Variants in FCHO2 observed in about 807,000 individuals in gnomAD.
FCHO2 encodes F-BAR domain only protein 2.
A neutral mutation model predicts 114.1 loss-of-function variants in FCHO2; 43 were observed. The observed-to-expected ratio is 0.38, with a 90% confidence interval of 0.30 to 0.49. The LOEUF (loss-of-function observed/expected upper bound fraction) is 0.49. Among genes scored for constraint, FCHO2 ranks in the 20% least tolerant of loss-of-function variants. The pLI, the probability that FCHO2 is intolerant of heterozygous loss-of-function variation, is 0.97. For missense variants in FCHO2, 807 were observed against 950.4 expected, an observed-to-expected ratio of 0.85 and a Z score of 1.98; for synonymous variants, 293 against 315.2, an observed-to-expected ratio of 0.93 and a Z score of 0.75.
intron 9 of FCHO2, among the ~76,000 whole-genome samples, chr5:73,036,767 T>C (rs936071797): frequency 6.6e-6 from 1 of 152,216 alleles, no homozygotes; most frequent in African/African-American, 2.4e-5. Flanking sequence ...CAAACATGAT[T>C]TGACCTTTAT....
intron 2 of FCHO2, among the ~76,000 whole-genome samples, chr5:72,970,792 T>A (rs906560168): frequency 1.3e-4 from 20 of 152,298 alleles, no homozygotes; most frequent in Admixed American, 3.9e-4. Context: ...GCTGGTGCGC[T>A]GCACCCACTA....
chr5:73,020,129 A>G (rs1266995004), intron 8 of FCHO2, among the ~76,000 whole-genome samples: 1 of 152,240 alleles, frequency 6.6e-6, no homozygotes, highest in Non-Finnish European at 1.5e-5. Flanking sequence ...AAAAACTGCC[A>G]GACCCCTGAA....
At chr5:73,066,984 G>T (rs1742377996) in intron 18 of FCHO2, among the ~76,000 whole-genome samples, 1 of 151,946 alleles carries the variant, frequency 6.6e-6, no homozygotes, top group Admixed American at 6.6e-5. Context: ...GGAATTCATT[G>T]TAATATATTT....
intron 11 of FCHO2, among the ~76,000 whole-genome samples, chr5:73,046,854 T>C (rs1294383856): frequency 6.6e-6 from 1 of 152,206 alleles, no homozygotes; most frequent in African/African-American, 2.4e-5. Context: ...CTAGCTACAT[T>C]AGACTGTTTA....
chr5:73,066,575 C>CTTTTTTTTTTTTTTT (rs3054234), intron 18 of FCHO2, among the ~76,000 whole-genome samples: 5 of 101,422 alleles, frequency 4.9e-5, no homozygotes, highest in Non-Finnish European at 7.9e-5. Flanking sequence ...AGTGCCTTTT[C>CTTTTTTTTTTTTTTT]TTTTTTTTTT....
chr5:73,004,636 T>TTA (rs1561440309), intron 5 of FCHO2, among the ~76,000 whole-genome samples: 2 of 151,340 alleles, frequency 1.3e-5, no homozygotes, highest in African/African-American at 2.4e-5. Flanking sequence ...CAGCTTTTTT[T>TTA]AAAAAAAAGG....
At chr5:73,037,081 T>A in intron 9 of FCHO2, 62 bp from the exon 10 acceptor site, 1 of 1,174,996 alleles carries the variant, frequency 8.5e-7, no homozygotes, top group East Asian at 2.7e-5. Context: ...GATGTATCCA[T>A]AAGTTTAATA....
chr5:73,084,277 T>C (rs1195807738), intron 24 of FCHO2, among the ~76,000 whole-genome samples: 1 of 152,058 alleles, frequency 6.6e-6, no homozygotes, highest in Non-Finnish European at 1.5e-5. Flanking sequence ...TTTTGTTTTG[T>C]TTTTTTGAGA....
At chr5:73,062,771 A>G (rs1323900647) in intron 17 of FCHO2, among the ~76,000 whole-genome samples, 5 of 152,088 alleles carry the variant, frequency 3.3e-5, no homozygotes, top group South Asian at 2.1e-4. Flanking sequence ...GTCTCTTCCT[A>G]CTACCTCTAT....
chr5:73,051,271 C>T, intron 11 of FCHO2, 78 bp from the exon 12 acceptor site: 1 of 988,246 alleles, frequency 1.0e-6, no homozygotes, highest in Non-Finnish European at 1.5e-6. Flanking sequence ...CTAAGTAATA[C>T]CTGAGGCTAC....
chr5:73,068,866 G>A, intron 19 of FCHO2, 87 bp downstream of exon 19: 1 of 1,397,532 alleles, frequency 7.2e-7, no homozygotes, highest in Non-Finnish European at 9.5e-7. Context: ...ATGGGCTAAT[G>A]AAGAATTTAA....
intron 8 of FCHO2, among the ~76,000 whole-genome samples, chr5:73,019,712 C>T (rs1435027352): frequency 2.0e-5 from 3 of 152,126 alleles, no homozygotes; most frequent in Non-Finnish European, 4.4e-5. Context: ...GGTGTGAATG[C>T]GTGAGGCTTT....
chr5:73,002,563 T>G lies in FCHO2; in HGVS notation c.496-3882T>G, dbSNP rs559102056. 7.9e-5 allele frequency among the ~76,000 whole-genome samples: 12 copies of G among 152,324 alleles called. No homozygotes were observed. In the South Asian group the frequency reaches 8.3e-4, roughly 11 times the overall value. On this transcript the variant is annotated intron_variant, in intron 5 of 25. Coordinates refer to ENST00000430046, the MANE Select transcript of FCHO2 (RefSeq NM_138782.3). Reference sequence around the variant, plus strand: ...TATTATTTGAATTCTTCCACTTCATTAATATAATAAAATTAGTTTGAGTTT... The same window carrying G: ...TATTATTTGAATTCTTCCACTTCATGAATATAATAAAATTAGTTTGAGTTT...
intron 8 of FCHO2, among the ~76,000 whole-genome samples, chr5:73,026,490 C>G (rs1210934908): frequency 6.6e-6 from 1 of 151,868 alleles, no homozygotes; most frequent in Non-Finnish European, 1.5e-5. Context: ...AAATTGTATA[C>G]ATAAGTTAAC....
At chr5:72,997,591 C>G in intron 5 of FCHO2, 1 of 1,361,522 alleles carries the variant, frequency 7.3e-7, no homozygotes, top group Middle Eastern at 1.9e-4. Context: ...TCAGGTTCAC[C>G]GCTGATGTTC....
At chr5:73,035,073 T>A (rs1022169273) in intron 9 of FCHO2, among the ~76,000 whole-genome samples, 1 of 152,178 alleles carries the variant, frequency 6.6e-6, no homozygotes, top group South Asian at 2.1e-4. Context: ...ATCTCTGTAA[T>A]GTGTAGTGCT....
intron 2 of FCHO2, among the ~76,000 whole-genome samples, chr5:72,985,003 T>G (rs1160545464): frequency 6.6e-6 from 1 of 152,102 alleles, no homozygotes; most frequent in Non-Finnish European, 1.5e-5. Flanking sequence ...ACCCACCTCC[T>G]TACCTTTTGT....
At chr5:73,007,952 G>A (rs1754807480) in intron 6 of FCHO2, among the ~76,000 whole-genome samples, 1 of 152,102 alleles carries the variant, frequency 6.6e-6, no homozygotes, top group Non-Finnish European at 1.5e-5. Context: ...AATAGGGCAA[G>A]AGCGTTACAG....
At chr5:73,033,052 C>T (rs939503340) in intron 8 of FCHO2, among the ~76,000 whole-genome samples, 5 of 152,070 alleles carry the variant, frequency 3.3e-5, no homozygotes, top group African/African-American at 7.2e-5. Context: ...TAAATTGTTA[C>T]GATAGGCCTC....
Sources: gnomAD v4.1 joint callset for allele counts (sites outside exome capture counted in the v4.1 genomes callset) on GRCh38, gnomAD v4.1.1 for gene constraint, MANE v1.5 for transcripts, NCBI Gene and HGNC (gene_info 2026-07-23, HGNC 2026-07-21) for gene names.